Variants in ODAD2 observed in about 807,000 individuals in gnomAD.
ODAD2 encodes the protein outer dynein arm-docking complex subunit 2.
Under a neutral mutation model 106.8 loss-of-function variants are expected in ODAD2, and 89 were observed. The observed-to-expected ratio is 0.83, with a 90% CI of 0.70 to 0.99. ODAD2 has a LOEUF of 0.99. Ranked by LOEUF, ODAD2 falls within the 50% of genes least tolerant of loss-of-function variation. ODAD2 has a pLI of 0.00. For synonymous variants in ODAD2, 404 were observed against 436.2 expected (o/e 0.93, Z 0.92); for missense variants, 1,168 against 1,238.5 (o/e 0.94, Z 0.85).
chr10:27,986,436 G>A (rs575268317), intron 3 of ODAD2, among the ~76,000 whole-genome samples: 2 of 152,272 alleles, frequency 1.3e-5, no homozygotes, highest in African/African-American at 4.8e-5. Flanking sequence ...TACCAATTGA[G>A]TTGAATTGAA....
At chr10:27,977,854 T>C (rs1849297049) in intron 7 of ODAD2, among the ~76,000 whole-genome samples, 2 of 152,226 alleles carry the variant, frequency 1.3e-5, no homozygotes, top group African/African-American at 4.8e-5. Context: ...TTAGAATGTC[T>C]GTAGTTAAAA....
chr10:27,984,487 G>A (rs907409013), intron 4 of ODAD2, among the ~76,000 whole-genome samples, 197 bp from the exon 5 acceptor site: 9 of 152,254 alleles, frequency 5.9e-5, no homozygotes, highest in Admixed American at 2.0e-4. Context: ...AACATTAAAC[G>A]TACTCCATTA....
At chr10:27,912,996 T>C (rs1844114744) in intron 16 of ODAD2, among the ~76,000 whole-genome samples, 1 of 152,178 alleles carries the variant, frequency 6.6e-6, no homozygotes, top group Non-Finnish European at 1.5e-5. Flanking sequence ...TTGGGATAAG[T>C]ATGTCAGAAA....
chr10:27,814,041 G>A (rs1408388920), intron 19 of ODAD2, among the ~76,000 whole-genome samples: 1 of 152,160 alleles, frequency 6.6e-6, no homozygotes, highest in Non-Finnish European at 1.5e-5. Context: ...TGTTGTAGGA[G>A]TCTCTTCTTG....
chr10:27,835,681 A>G (rs2133054020), intron 19 of ODAD2, among the ~76,000 whole-genome samples: 1 of 152,312 alleles, frequency 6.6e-6, no homozygotes, highest in East Asian at 1.9e-4. Flanking sequence ...AAATAAGAGA[A>G]GTTTAACAGA....
At chr10:27,839,044 G>A (rs1838115114) in intron 19 of ODAD2, among the ~76,000 whole-genome samples, 1 of 152,128 alleles carries the variant, frequency 6.6e-6, no homozygotes, top group Admixed American at 6.5e-5. Flanking sequence ...GTTCAATTTA[G>A]GCAAGATAAG....
chr10:27,822,941 C>G (rs1794949534), intron 19 of ODAD2, among the ~76,000 whole-genome samples: 1 of 152,192 alleles, frequency 6.6e-6, no homozygotes, highest in African/African-American at 2.4e-5. Context: ...CTTTAATGCC[C>G]AAACAGACAG....
intron 10 of ODAD2, among the ~76,000 whole-genome samples, chr10:27,953,959 C>T (rs1157100904): frequency 6.6e-6 from 1 of 152,170 alleles, no homozygotes; most frequent in Admixed American, 6.5e-5. Context: ...GGAAGAACCA[C>T]AGCCCTGCGA....
chr10:27,830,116 G>A (rs924729193), intron 19 of ODAD2, among the ~76,000 whole-genome samples: 1 of 152,138 alleles, frequency 6.6e-6, no homozygotes, highest in African/African-American at 2.4e-5. Flanking sequence ...AGAGATCCTT[G>A]AAGTACCTTC....
intron 7 of ODAD2, among the ~76,000 whole-genome samples, chr10:27,976,037 A>G (rs1255081308): frequency 6.6e-6 from 1 of 152,156 alleles, no homozygotes; most frequent in African/African-American, 2.4e-5. Flanking sequence ...AAGAGAGGAA[A>G]AAAACACATG....
chr10:27,967,228 C>G (rs1001386735), intron 9 of ODAD2, among the ~76,000 whole-genome samples: 13 of 151,762 alleles, frequency 8.6e-5, no homozygotes, highest in African/African-American at 3.1e-4. Flanking sequence ...TAGGGCTCTA[C>G]CTTTATCAGA....
chr10:27,948,658 G>A (rs1847106504), intron 10 of ODAD2, among the ~76,000 whole-genome samples: 1 of 152,036 alleles, frequency 6.6e-6, no homozygotes, highest in African/African-American at 2.4e-5. Context: ...ACTAGCTTCT[G>A]AAGGGCTTTG....
At chr10:27,959,818 T>C (rs1029518971) in intron 10 of ODAD2, among the ~76,000 whole-genome samples, 3 of 152,178 alleles carry the variant, frequency 2.0e-5, no homozygotes, top group African/African-American at 7.2e-5. Context: ...TGAATCATTT[T>C]TTGTGGTAGA....
chr10:27,882,036 G>A (rs898446897), intron 17 of ODAD2, among the ~76,000 whole-genome samples: 7 of 152,016 alleles, frequency 4.6e-5, no homozygotes, highest in African/African-American at 1.7e-4. Context: ...GGGCATGGTG[G>A]CATGTGCCTG....
intron 9 of ODAD2, among the ~76,000 whole-genome samples, chr10:27,965,501 T>C (rs1462113516): frequency 2.6e-5 from 4 of 152,026 alleles, no homozygotes; most frequent in Admixed American, 2.6e-4. Flanking sequence ...AATGATTCAT[T>C]TGGGCTATTG....
intron 17 of ODAD2, among the ~76,000 whole-genome samples, chr10:27,907,021 A>G (rs565828608): frequency 8.1e-4 from 123 of 152,302 alleles, no homozygotes; most frequent in African/African-American, 2.9e-3. Flanking sequence ...ATTTAAAAAA[A>G]AATTCAACAG....
chr10:27,965,639 C>G (rs565240469), intron 9 of ODAD2, among the ~76,000 whole-genome samples: 7 of 152,158 alleles, frequency 4.6e-5, no homozygotes, highest in Non-Finnish European at 4.4e-5. Flanking sequence ...TGTATTCATT[C>G]TGGCTTCCCA....
chr10:27,848,169 C>A (rs1165822114), intron 19 of ODAD2, among the ~76,000 whole-genome samples: 1 of 152,194 alleles, frequency 6.6e-6, no homozygotes, highest in East Asian at 1.9e-4. Context: ...TGACTTTAAA[C>A]TATACTACAA....
At chr10:27,901,982 C>T (rs1843239924) in intron 17 of ODAD2, among the ~76,000 whole-genome samples, 1 of 152,194 alleles carries the variant, frequency 6.6e-6, no homozygotes, top group Admixed American at 6.5e-5. Flanking sequence ...TAACTCTCCA[C>T]CCCAGATCAA....
Sources: allele counts gnomAD v4.1 joint callset (sites outside exome capture counted in the v4.1 genomes callset), GRCh38; gene constraint gnomAD v4.1.1; transcripts MANE v1.5; gene names NCBI Gene and HGNC (gene_info 2026-07-23, HGNC 2026-07-21).